Variants in TGFA observed in about 807,000 individuals in gnomAD.
The protein encoded by TGFA is protransforming growth factor alpha.
TGFA carries 12 observed loss-of-function variants against 21.7 expected under a neutral mutation model. The ratio of observed to expected loss-of-function variants is 0.55; its 90% CI spans 0.35 to 0.90. The LOEUF (loss-of-function observed/expected upper bound fraction) is 0.90, where lower values mean the gene tolerates loss of function less well. Among genes scored for constraint, TGFA ranks in the 40% least tolerant of loss-of-function variants. TGFA has a pLI of 0.01. For missense variants in TGFA, 178 were observed against 210.8 expected (o/e 0.84, Z 0.96); for synonymous variants, 79 against 88.1 (o/e 0.90, Z 0.58).
chr2:70,536,613 G>A (rs534825186), intron 1 of TGFA, among the ~76,000 whole-genome samples: 2 of 152,130 alleles, frequency 1.3e-5, no homozygotes, highest in East Asian at 3.9e-4. Context: ...GGGTCAAAAA[G>A]GAAACTCAAG....
intron 2 of TGFA, among the ~76,000 whole-genome samples, chr2:70,504,876 C>T (rs1479058783): frequency 3.9e-5 from 6 of 152,162 alleles, no homozygotes; most frequent in Admixed American, 1.3e-4. Context: ...TAGAATTCTG[C>T]AGCCAGTTAC....
At chr2:70,471,957 G>A (rs890093082) in intron 2 of TGFA, among the ~76,000 whole-genome samples, 8 of 152,000 alleles carry the variant, frequency 5.3e-5, no homozygotes, top group African/African-American at 9.7e-5. Context: ...GATTCTCTCA[G>A]CCTCTCTCTC....
chr2:70,530,659 C>T (rs1463618463), intron 1 of TGFA, among the ~76,000 whole-genome samples: 2 of 152,128 alleles, frequency 1.3e-5, no homozygotes, highest in African/African-American at 4.8e-5. Context: ...CATTAAATAC[C>T]CAGGAGAAAT....
intron 1 of TGFA, among the ~76,000 whole-genome samples, chr2:70,524,389 CA>C (rs1211269298): frequency 5.3e-5 from 8 of 152,210 alleles, no homozygotes; most frequent in African/African-American, 1.9e-4. Context: ...AGACTTAGAC[CA>C]GGGGCTGGGT....
intron 2 of TGFA, among the ~76,000 whole-genome samples, chr2:70,489,275 C>T (rs1173267307): frequency 6.6e-6 from 1 of 152,226 alleles, no homozygotes. Context: ...TGCTCAGAGG[C>T]ACCCTGGCTT....
At chr2:70,469,197 C>T (rs1670661178) in intron 2 of TGFA, among the ~76,000 whole-genome samples, 1 of 152,178 alleles carries the variant, frequency 6.6e-6, no homozygotes, top group African/African-American at 2.4e-5. Flanking sequence ...CCCAGACCTA[C>T]TGAATCAGGA....
chr2:70,466,566 T>C (rs1401599324), intron 2 of TGFA, among the ~76,000 whole-genome samples: 3 of 151,456 alleles, frequency 2.0e-5, no homozygotes, highest in African/African-American at 7.3e-5. Flanking sequence ...CCAACACAAA[T>C]AGAAATTAGA....
chr2:70,501,616 G>A (rs1295271370), intron 2 of TGFA, among the ~76,000 whole-genome samples: 3 of 151,950 alleles, frequency 2.0e-5, no homozygotes, highest in Non-Finnish European at 4.4e-5. Flanking sequence ...TTTTTGAGCA[G>A]GTATGATTTT....
At chr2:70,521,631 T>TG (rs1672474308) in intron 1 of TGFA, among the ~76,000 whole-genome samples, 1 of 136,742 alleles carries the variant, frequency 7.3e-6, no homozygotes, top group Admixed American at 7.2e-5. Flanking sequence ...TTTTTTTTTT[T>TG]TTTTTTTGAG....
At position 70,459,094 on chromosome 2, in the gene TGFA, G is replaced by C. The variant is rs75659306; in HGVS notation, c.216-2606C>G. Among the ~76,000 whole-genome samples the C allele has an allele frequency of 6.3e-3, 964 of 152,300 alleles. 8 individuals are homozygous for C. The highest frequency in any genetic ancestry group is 0.011 in the Admixed American group (169 of 15,308). ...TGAAAGTCTCAGCGTATAGGAAGGT[G>C]AGCAACCCATGACAATTTCACACAG... On this transcript the variant is annotated intron_variant, in intron 3 of 5. Coordinates refer to ENST00000295400, the MANE Select transcript of TGFA (RefSeq NM_003236.4).
At chr2:70,472,156 A>G (rs782286536) in intron 2 of TGFA, among the ~76,000 whole-genome samples, 3 of 152,194 alleles carry the variant, frequency 2.0e-5, no homozygotes, top group Non-Finnish European at 4.4e-5. Flanking sequence ...AAGGTGGCAA[A>G]GGCCAGCAGG....
chr2:70,510,762 C>T (rs1672072691), intron 2 of TGFA, among the ~76,000 whole-genome samples: 1 of 152,070 alleles, frequency 6.6e-6, no homozygotes, highest in Non-Finnish European at 1.5e-5. Context: ...GAAATGAAGA[C>T]AGGAAGAAAC....
intron 2 of TGFA, among the ~76,000 whole-genome samples, chr2:70,508,825 G>A (rs782536752): frequency 4.6e-5 from 7 of 152,160 alleles, no homozygotes; most frequent in Non-Finnish European, 8.8e-5. Flanking sequence ...CAGAACGGAG[G>A]TTCAAGAAGA....
chr2:70,483,220 G>A (rs1252403464), intron 2 of TGFA, among the ~76,000 whole-genome samples: 1 of 152,234 alleles, frequency 6.6e-6, no homozygotes, highest in African/African-American at 2.4e-5. Flanking sequence ...TTAATCTGCT[G>A]TGACTTTTCA....
intron 2 of TGFA, among the ~76,000 whole-genome samples, chr2:70,493,974 T>C (rs1671506892): frequency 6.6e-6 from 1 of 152,242 alleles, no homozygotes; most frequent in Non-Finnish European, 1.5e-5. Context: ...ATCACCCACA[T>C]TATCTCACAT....
intron 1 of TGFA, among the ~76,000 whole-genome samples, chr2:70,530,309 C>T (rs419940): frequency 0.019 from 2,844 of 152,298 alleles, 40 homozygotes; most frequent in Middle Eastern, 0.031. Flanking sequence ...GCCCACCATC[C>T]CTGAAATATT....
chr2:70,512,176 C>A (rs1672124127), intron 2 of TGFA, among the ~76,000 whole-genome samples: 1 of 152,180 alleles, frequency 6.6e-6, no homozygotes, highest in Non-Finnish European at 1.5e-5. Flanking sequence ...ACACGGTCAT[C>A]ACCACTTGGA....
intron 2 of TGFA, among the ~76,000 whole-genome samples, chr2:70,487,496 T>C (rs7571579): frequency 0.68 from 103,732 of 152,122 alleles, 36,138 homozygotes; most frequent in African/African-American, 0.82. Flanking sequence ...TAATTTTATA[T>C]AATATTGTAG....
At chr2:70,476,068 A>G (rs1455537520) in intron 2 of TGFA, among the ~76,000 whole-genome samples, 1 of 110,030 alleles carries the variant, frequency 9.1e-6, no homozygotes, top group Non-Finnish European at 1.8e-5. Flanking sequence ...CCTTGGTCTT[A>G]GTAATTTTAA....
Sources: allele counts gnomAD v4.1 joint callset (sites outside exome capture counted in the v4.1 genomes callset), GRCh38; gene constraint gnomAD v4.1.1; transcripts MANE v1.5; gene names NCBI Gene and HGNC (gene_info 2026-07-23, HGNC 2026-07-21).